Variants in ADHFE1 observed in about 807,000 individuals in gnomAD.
ADHFE1 encodes the protein hydroxyacid-oxoacid transhydrogenase, mitochondrial.
In ADHFE1, 37 loss-of-function variants were observed where a neutral mutation model predicts 54.8. That is an observed-to-expected ratio of 0.68 (90% CI 0.52 to 0.89). ADHFE1 has a LOEUF of 0.89. ADHFE1 is among the 40% of genes least tolerant of loss of function. The pLI is 0.00. For synonymous variants in ADHFE1, 203 were observed against 229.3 expected, an observed-to-expected ratio of 0.89 and a Z score of 1.04; for missense variants, 601 against 591.2, an observed-to-expected ratio of 1.02 and a Z score of -0.17.
At chr8:66,452,683 A>T (rs1218066190) in intron 9 of ADHFE1, among the ~76,000 whole-genome samples, 2 of 152,162 alleles carry the variant, frequency 1.3e-5, no homozygotes, top group African/African-American at 2.4e-5. Flanking sequence ...AAGAGTAGAG[A>T]TTGCTGTCCC....
intron 1 of ADHFE1, among the ~76,000 whole-genome samples, chr8:66,436,487 G>A (rs1273253522): frequency 6.6e-6 from 1 of 152,058 alleles, no homozygotes; most frequent in African/African-American, 2.4e-5. Flanking sequence ...AAGATTCTCC[G>A]GCACGAACAA....
intron 10 of ADHFE1, among the ~76,000 whole-genome samples, chr8:66,455,949 A>AAACAAC (rs577773672): frequency 2.0e-5 from 3 of 152,082 alleles, no homozygotes; most frequent in Admixed American, 6.5e-5. Context: ...AAACCCAAAT[A>AAACAAC]AACAACAACA....
intron 6 of ADHFE1, among the ~76,000 whole-genome samples, chr8:66,446,579 G>A (rs976662578): frequency 6.6e-6 from 1 of 152,028 alleles, no homozygotes; most frequent in Non-Finnish European, 1.5e-5. Context: ...GTTAACACAG[G>A]TACAGAGATC....
chr8:66,439,414 G>A lies in ADHFE1; in HGVS notation c.60-748G>A. On this transcript the variant is annotated intron_variant, in intron 1 of 13. Coordinates refer to ENST00000396623, the MANE Select transcript of ADHFE1 (RefSeq NM_144650.3). The surrounding 1 kb of genome is among the most constrained non-coding windows in gnomAD (Gnocchi z 4.4). ...GAGACTGGGACTGTCCAGGAAATAG[G>A]AGACGACCAGGACAGGAAGAGGGAC... is the stretch of plus-strand genomic sequence containing the variant. The A allele has an allele frequency of 1.0e-6, 1 of 985,940 alleles. No homozygotes were observed. The highest frequency in any genetic ancestry group is 1.2e-6 in the Non-Finnish European group (1 of 830,198). The allele number at this position is 985,940 out of a possible 1,614,324, so 61.1% of individuals were successfully genotyped here.
chr8:66,444,898 C>G (rs573452272), intron 5 of ADHFE1, 150 bp downstream of exon 5: 274 of 955,340 alleles, frequency 2.9e-4, no homozygotes, highest in Non-Finnish European at 4.0e-4. Context: ...GTCAGGAGTT[C>G]GAGACCAGTA....
At chr8:66,459,626 T>C (rs1368861834) in intron 12 of ADHFE1, 2 of 152,040 alleles carry the variant, frequency 1.3e-5, no homozygotes, top group Non-Finnish European at 2.9e-5. Context: ...ACCATTATTA[T>C]CTGCATATGA....
intron 1 of ADHFE1, 58 bp downstream of exon 1, chr8:66,432,633 G>T (rs1805258347): frequency 1.6e-6 from 2 of 1,268,642 alleles, no homozygotes; most frequent in South Asian, 5.4e-5. Flanking sequence ...CAGCCCCCTG[G>T]GTGTGACCCG....
intron 3 of ADHFE1, among the ~76,000 whole-genome samples, chr8:66,443,057 T>C (rs1805839557): frequency 6.6e-6 from 1 of 152,186 alleles, no homozygotes; most frequent in African/African-American, 2.4e-5. Flanking sequence ...AGTGCTGTCT[T>C]TGTAGAGTCA....
At chr8:66,452,162 G>A (rs567818094) in intron 9 of ADHFE1, 57 bp downstream of exon 9, 56 of 1,587,862 alleles carry the variant, frequency 3.5e-5, no homozygotes, top group African/African-American at 1.1e-4. Context: ...CTGCCAGCAC[G>A]TGAAACATGA....
At chr8:66,457,530 C>G (rs976433781) in intron 12 of ADHFE1, among the ~76,000 whole-genome samples, 1 of 150,436 alleles carries the variant, frequency 6.6e-6, no homozygotes, top group Admixed American at 6.6e-5. Context: ...TATTGCTTTG[C>G]GATAGCTTAA....
intron 1 of ADHFE1, among the ~76,000 whole-genome samples, chr8:66,435,733 G>A (rs1021514984): frequency 8.3e-5 from 12 of 145,190 alleles, no homozygotes; most frequent in Non-Finnish European, 1.3e-4. Context: ...CCACCTTAGC[G>A]TCCCAAGTAG....
At position 66,460,364 on chromosome 8, in the gene ADHFE1, C is replaced by G. The variant is rs769552842; in HGVS notation, c.1219C>G (p.Leu407Val). 2 of 1,614,088 alleles carry G rather than the reference C, an allele frequency of 1.2e-6. No individual in the cohort carries two copies. Among genetic ancestry groups the G allele is most frequent in the African/African-American group, 2.7e-5 (2 of 74,952 alleles). Residue 407 changes from leucine (L) to valine (V), a missense_variant, in exon 13 of 14, where the codon CTC (leucine) becomes GTC (valine). Transcript: ENST00000396623. ...QDAGLVLADT[L>V]RKFLFDLDVD... The stretch of plus-strand genomic sequence containing the variant: ...TGCAGGGCTGGTGTTGGCAGACACG[C>G]TCCGGAAATTCTTATTCGATCTGGA...
chr8:66,448,882 A>G lies in ADHFE1; in HGVS notation c.646A>G (p.Ile216Val). The G allele has an allele frequency of 6.2e-7, 1 of 1,614,170 alleles. No homozygotes were observed. ...TGTTTTAGGCATCACTTCGAGAGCC[A>G]TCAAACCCACACTGGGACTGATTGA... is the stretch of plus-strand genomic sequence containing the variant. Reference protein sequence around the residue: ...KVKIGITSRAIKPTLGLIDPL... With the variant: ...KVKIGITSRAVKPTLGLIDPL... The change falls in exon 8 of 14, where the codon ATC becomes GTC. Residue 216 changes from isoleucine to valine, a missense_variant. Ile to Val is a conservative substitution (Grantham distance 29, BLOSUM62 3). Transcript: ENST00000396623.
rs1195770144 is a variant in ADHFE1 at position 66,445,400 on chromosome 8, A to T, written c.536A>T (p.Lys179Met). The T allele has an allele frequency of 6.2e-7, 1 of 1,609,590 alleles. No individual in the cohort carries two copies. Among genetic ancestry groups the T allele is most frequent in the East Asian group, 2.2e-5 (1 of 44,830 alleles). The change falls in exon 6 of 14, where the codon AAG becomes ATG. Residue 179 changes from lysine (K) to methionine (M), a missense_variant. Coordinates refer to ENST00000396623, the MANE Select transcript of ADHFE1 (RefSeq NM_144650.3). Reference sequence around the variant, plus strand: ...GGAAAGCCTGTGTCTGTGCCTCTTAAGCCTCTGATTGCAGGTAAAGACTGT... The same window carrying T: ...GGAAAGCCTGTGTCTGTGCCTCTTATGCCTCTGATTGCAGGTAAAGACTGT... ...GKGKPVSVPL[K>M]PLIAVPTTSG...
At chr8:66,435,770 C>T (rs1016143984) in intron 1 of ADHFE1, among the ~76,000 whole-genome samples, 9 of 151,462 alleles carry the variant, frequency 5.9e-5, no homozygotes, top group East Asian at 3.9e-4. Context: ...CAACATCATG[C>T]GCAGCTGATT....
intron 8 of ADHFE1, among the ~76,000 whole-genome samples, chr8:66,451,006 C>T (rs2433594): frequency 0.16 from 24,403 of 152,292 alleles, 2,123 homozygotes; most frequent in Middle Eastern, 0.21. Context: ...TCTCCCTTCA[C>T]AGTCAAGTGA....
intron 7 of ADHFE1, 60 bp downstream of exon 7, chr8:66,447,401 TCCTA>T: frequency 1.5e-6 from 2 of 1,333,482 alleles, no homozygotes; most frequent in Non-Finnish European, 2.1e-6. Context: ...CTTCTTTAAA[TCCTA>T]ATATTTAAAA....
At position 66,439,761 on chromosome 8, in the gene ADHFE1, G is replaced by A; in HGVS notation, c.60-401G>A. 2 of 1,024,906 alleles carry A rather than the reference G, an allele frequency of 2.0e-6. No homozygotes were observed. The highest frequency in any genetic ancestry group is 2.3e-6 in the Non-Finnish European group (2 of 855,526). 63.5% of individuals were successfully genotyped at this position (1,024,906 alleles called of 1,614,324 possible). A position where few individuals can be genotyped will look rare whatever the true frequency, so the allele number is the denominator to read the frequency against. On this transcript the variant is annotated intron_variant, in intron 1 of 13. Transcript: ENST00000396623. This position sits in a 1 kb window ranked among gnomAD's most constrained non-coding sequence, Gnocchi z 4.4. ...GCAAGTTCCCAGCATAGGGTAGTAA[G>A]TAAGAAGAGGCACACAGAGTTAACC...
intron 12 of ADHFE1, among the ~76,000 whole-genome samples, 167 bp downstream of exon 12, chr8:66,457,333 C>G (rs1362044169): frequency 6.8e-6 from 1 of 147,126 alleles, no homozygotes; most frequent in Non-Finnish European, 1.5e-5. Context: ...AAAAAAATAG[C>G]CGTGTACAGT....
Sources: allele counts gnomAD v4.1 joint callset (sites outside exome capture counted in the v4.1 genomes callset), GRCh38; gene constraint gnomAD v4.1.1; non-coding constraint Gnocchi (gnomAD v3.1); transcripts MANE v1.5; gene names NCBI Gene and HGNC (gene_info 2026-07-23, HGNC 2026-07-21).